GTF3C1: variants seen among roughly 807,000 people sequenced by gnomAD.
GTF3C1 encodes general transcription factor IIIC subunit 1, also known as general transcription factor 3C polypeptide 1.
In GTF3C1, 57 loss-of-function variants were observed where a neutral mutation model predicts 226.7. That is an observed-to-expected ratio of 0.25 (90% CI 0.20 to 0.31). GTF3C1 has a LOEUF of 0.31. Ranked by LOEUF, GTF3C1 falls within the 10% of genes least tolerant of loss-of-function variation. GTF3C1 has a pLI of 1.00. For missense variants in GTF3C1, 2,217 were observed against 2,776.1 expected (o/e 0.80, Z 4.53); for synonymous variants, 1,090 against 1,084.8 (o/e 1.00, Z -0.09).
intron 29 of GTF3C1, 108 bp from the exon 30 acceptor site, chr16:27,472,028 C>A (rs552163094): frequency 1.1e-6 from 1 of 943,400 alleles, no homozygotes; most frequent in Non-Finnish European, 1.6e-6. Flanking sequence ...AGGAAGTGAC[C>A]GATCGTGGGA....
chr16:27,522,981 T>C (rs2088773517), intron 6 of GTF3C1, among the ~76,000 whole-genome samples: 1 of 152,158 alleles, frequency 6.6e-6, no homozygotes, highest in Admixed American at 6.6e-5. Flanking sequence ...GCAACAGCTC[T>C]GAGGAGAGTC....
chr16:27,529,104 T>C (rs2088876171), intron 5 of GTF3C1, among the ~76,000 whole-genome samples: 1 of 151,944 alleles, frequency 6.6e-6, no homozygotes, highest in Non-Finnish European at 1.5e-5. Flanking sequence ...TACACACCCC[T>C]GTCCCCCATG....
chr16:27,492,335 C>T lies in GTF3C1; in HGVS notation c.3151+3G>A, dbSNP rs752864316. 4.5e-6 allele frequency: 7 copies of T among 1,563,068 alleles called. No homozygotes were observed. Among genetic ancestry groups the T allele is most frequent in the African/African-American group, 1.4e-5 (1 of 73,376 alleles). On this transcript the variant is annotated splice_donor_region_variant and intron_variant, in intron 19 of 36. Transcript: ENST00000356183. The surrounding 1 kb of genome is among the most constrained non-coding windows in gnomAD (Gnocchi z 5.0). ...AGGTTCAGCCGAGACAGCCGACACC[C>T]ACCTAGTGGGGTGTTGAGGCAGACG... is the stretch of plus-strand genomic sequence containing the variant.
intron 1 of GTF3C1, among the ~76,000 whole-genome samples, chr16:27,549,015 G>T (rs1333789772): frequency 6.6e-6 from 1 of 152,114 alleles, no homozygotes; most frequent in Non-Finnish European, 1.5e-5. Context: ...TTAGCCGGGC[G>T]TGGTGGAACA....
At chr16:27,524,720 C>T (rs1464687863) in intron 6 of GTF3C1, among the ~76,000 whole-genome samples, 1 of 152,248 alleles carries the variant, frequency 6.6e-6, no homozygotes, top group Non-Finnish European at 1.5e-5. Context: ...TAAGGTTCCT[C>T]CTTAGTTTCT....
intron 28 of GTF3C1, among the ~76,000 whole-genome samples, chr16:27,477,300 AT>A (rs1464830165): frequency 6.6e-6 from 1 of 151,294 alleles, no homozygotes; most frequent in African/African-American, 2.4e-5. Context: ...TAGTAAATAG[AT>A]TTTCTCTTCC....
At chr16:27,465,137 T>C in intron 33 of GTF3C1, 123 bp downstream of exon 33, 1 of 877,036 alleles carries the variant, frequency 1.1e-6, no homozygotes, top group Non-Finnish European at 1.8e-6. Flanking sequence ...TAATGACTAA[T>C]TCAACGTTTA....
At position 27,492,575 on chromosome 16, in the gene GTF3C1, T is replaced by G. The variant is rs370645455; in HGVS notation, c.2973+42A>C. ...TGGGTCTGGCTGCTTGGAGACCGTT[T>G]AACAATCAGAATTTCCTTCGTTTGG... On this transcript the variant is annotated intron_variant, in intron 18 of 36. Coordinates refer to ENST00000356183, the MANE Select transcript of GTF3C1 (RefSeq NM_001520.4). The surrounding 1 kb of genome is among the most constrained non-coding windows in gnomAD (Gnocchi z 5.0). 6.5e-7 allele frequency: 1 copy of G among 1,544,746 alleles called. No homozygotes were observed. Among genetic ancestry groups the G allele is most frequent in the African/African-American group, 1.4e-5 (1 of 73,548 alleles).
rs1157868067 is a variant in GTF3C1 at position 27,492,999 on chromosome 16, C to G, written c.2876+200G>C. ...TTGCAGACACTAGCAGCAGATTTTA[C>G]TTTAAAAGAACCTTCAAATCAAGTA... On this transcript the variant is annotated intron_variant, in intron 17 of 36. Coordinates refer to ENST00000356183, the MANE Select transcript of GTF3C1 (RefSeq NM_001520.4). This position sits in a 1 kb window ranked among gnomAD's most constrained non-coding sequence, Gnocchi z 5.0. Among the ~76,000 whole-genome samples, 3 of 152,246 alleles carry G rather than the reference C, an allele frequency of 2.0e-5. No individual in the cohort carries two copies. Among genetic ancestry groups the G allele is most frequent in the African/African-American group, 7.2e-5 (3 of 41,474 alleles).
chr16:27,507,607 C>T lies in GTF3C1; in HGVS notation c.1243-451G>A, dbSNP rs1023793131. The stretch of plus-strand genomic sequence containing the variant: ...CATCAGTGATCCACACCCATTTTAA[C>T]GTCTAGAACAGGGCAAGGGGCTCTT... On this transcript the variant is annotated intron_variant, in intron 8 of 36. Coordinates refer to ENST00000356183, the MANE Select transcript of GTF3C1 (RefSeq NM_001520.4). The surrounding 1 kb of genome is among the most constrained non-coding windows in gnomAD (Gnocchi z 4.9). Among the ~76,000 whole-genome samples the T allele has an allele frequency of 1.3e-5, 2 of 152,220 alleles. No homozygotes were observed. Among genetic ancestry groups the T allele is most frequent in the Admixed American group, 6.5e-5 (1 of 15,280 alleles).
chr16:27,464,860 G>A (rs1343494227), intron 33 of GTF3C1, 24 bp from the exon 34 acceptor site: 1 of 1,490,276 alleles, frequency 6.7e-7, no homozygotes, highest in South Asian at 1.4e-5. Flanking sequence ...AGACACGCGG[G>A]GTCTGTGGGG....
At chr16:27,478,946 G>A (rs563769311) in intron 27 of GTF3C1, among the ~76,000 whole-genome samples, 1 of 152,030 alleles carries the variant, frequency 6.6e-6, no homozygotes, top group East Asian at 1.9e-4. Context: ...GGTTCCCAGA[G>A]GCTGGGAAGT....
At chr16:27,525,038 C>CT (rs2088808803) in intron 6 of GTF3C1, among the ~76,000 whole-genome samples, 1 of 152,156 alleles carries the variant, frequency 6.6e-6, no homozygotes, top group South Asian at 2.1e-4. Context: ...CCTGTAATCT[C>CT]TACTTGGGAG....
At chr16:27,474,344 G>C (rs1209708977) in intron 29 of GTF3C1, among the ~76,000 whole-genome samples, 1 of 152,186 alleles carries the variant, frequency 6.6e-6, no homozygotes, top group Non-Finnish European at 1.5e-5. Context: ...ACTGGAACTG[G>C]AGGAGGAAAA....
At chr16:27,529,223 C>T (rs1040670041) in intron 5 of GTF3C1, among the ~76,000 whole-genome samples, 12 of 152,078 alleles carry the variant, frequency 7.9e-5, no homozygotes, top group African/African-American at 2.7e-4. Context: ...GCGGGCAGGT[C>T]ACTTAAGGCC....
Position 27,464,550 on chromosome 16 carries a change from G to A in GTF3C1, c.5642C>T (p.Thr1881Ile). The change falls in exon 34 of 37, where the codon ACC (threonine) becomes ATC (isoleucine). Residue 1881 changes from threonine to isoleucine, a missense_variant. Transcript: ENST00000356183. ...CTGGAGCGCTGGCCTCTTGGCAGGG[G>A]TCATCTGGGTGCCCTCGGCGTCGGT... Reference protein sequence around the residue: ...GETDAEGTQMTPAKRPALQDS... With the variant: ...GETDAEGTQMIPAKRPALQDS... 6.7e-7 allele frequency: 1 copy of A among 1,501,176 alleles called. No homozygotes were observed. The highest frequency in any genetic ancestry group is 8.9e-7 in the Non-Finnish European group (1 of 1,124,842). 93.0% of individuals were successfully genotyped at this position (1,501,176 alleles called of 1,614,324 possible).
intron 4 of GTF3C1, among the ~76,000 whole-genome samples, chr16:27,535,488 T>C (rs181492872): frequency 7.6e-4 from 116 of 151,896 alleles, no homozygotes; most frequent in Middle Eastern, 3.4e-3. Flanking sequence ...GGCAGTAGAA[T>C]TGCTTGAACC....
intron 7 of GTF3C1, among the ~76,000 whole-genome samples, chr16:27,510,160 TGGA>T (rs1320891046): frequency 2.7e-4 from 41 of 151,880 alleles, no homozygotes; most frequent in Admixed American, 2.6e-3. Flanking sequence ...CCGAGGCAGG[TGGA>T]TCACGAGGTC....
rs1452625202 is a variant in GTF3C1, at chr16:27,501,271, G to A, written c.1981C>T (p.Arg661Cys). The part of the protein sequence containing the change: ...STKCCKKSIV[R>C]LVRNLSEEGL... Reference sequence around the variant, plus strand: ...TCCTCAGACAGGTTCCGCACCAAGCGGACAATGGACTTCTTGCAGCACTTG... The same window carrying A: ...TCCTCAGACAGGTTCCGCACCAAGCAGACAATGGACTTCTTGCAGCACTTG... Residue 661 changes from arginine to cysteine, a missense_variant, in exon 12 of 37, where the codon CGC becomes TGC. By Grantham distance (180) the Arg-to-Cys change is radical. Around this residue, in one of 12 missense-constraint regions of GTF3C1, gnomAD observed 52 missense variants for 110.8 expected, o/e 0.47. Transcript: ENST00000356183. 2 of 1,613,806 alleles carry A rather than the reference G, an allele frequency of 1.2e-6. No homozygotes were observed. Among genetic ancestry groups the A allele is most frequent in the Non-Finnish European group, 8.5e-7 (1 of 1,179,806 alleles).
Sources: gnomAD v4.1 joint callset for allele counts (sites outside exome capture counted in the v4.1 genomes callset) on GRCh38, gnomAD v4.1.1 for gene constraint, gnomAD v4.1.1 regional missense constraint, Gnocchi (gnomAD v3.1) non-coding constraint, MANE v1.5 for transcripts, NCBI Gene and HGNC (gene_info 2026-07-23, HGNC 2026-07-21) for gene names.